TXLNB: variants seen among roughly 807,000 people sequenced by gnomAD.
TXLNB encodes taxilin beta.
A neutral mutation model predicts 57.4 loss-of-function variants in TXLNB; 37 were observed. That is an observed-to-expected ratio of 0.64 (90% CI 0.50 to 0.85). The LOEUF (loss-of-function observed/expected upper bound fraction) is 0.85, where lower values mean the gene tolerates loss of function less well. Ranked by LOEUF, TXLNB falls within the 40% of genes least tolerant of loss-of-function variation. TXLNB has a pLI of 0.00. For synonymous variants in TXLNB, 302 were observed against 309.6 expected, an observed-to-expected ratio of 0.98 and a Z score of 0.26; for missense variants, 848 against 825.6, an observed-to-expected ratio of 1.03 and a Z score of -0.33.
intron 8 of TXLNB, among the ~76,000 whole-genome samples, chr6:139,245,726 T>C (rs1049165898): frequency 4.6e-5 from 7 of 152,352 alleles, no homozygotes; most frequent in African/African-American, 1.7e-4. Context: ...TGTTTTTCAC[T>C]CTTTTGCCCA....
At chr6:139,280,887 G>A (rs1777030822) in intron 2 of TXLNB, among the ~76,000 whole-genome samples, 1 of 152,072 alleles carries the variant, frequency 6.6e-6, no homozygotes, top group African/African-American at 2.4e-5. Flanking sequence ...AAATAAGCAT[G>A]AGATAAATAA....
the TXLNB span, among the ~76,000 whole-genome samples, chr6:139,173,146 C>A: frequency 6.6e-6 from 1 of 152,128 alleles, no homozygotes; most frequent in South Asian, 2.1e-4. Flanking sequence ...GCATGTGAGA[C>A]CCTTTTATTT....
chr6:139,296,302 G>A (rs1383405953), upstream of TXLNB, among the ~76,000 whole-genome samples: 2 of 152,162 alleles, frequency 1.3e-5, no homozygotes, highest in Non-Finnish European at 2.9e-5. Context: ...TTGGCTAGAT[G>A]TAACCTTTTA....
At chr6:139,313,811 C>A in the TXLNB span, among the ~76,000 whole-genome samples, 303 of 152,150 alleles carry the variant, frequency 2.0e-3, 8 homozygotes, top group East Asian at 0.056. Context: ...TCTAAGCCCC[C>A]CAACCGACTG....
At chr6:139,264,559 T>C (rs1476509482) in intron 4 of TXLNB, among the ~76,000 whole-genome samples, 2 of 152,002 alleles carry the variant, frequency 1.3e-5, no homozygotes, top group Middle Eastern at 3.2e-3. Context: ...TTTTGTTTTG[T>C]TTTGTTTTGT....
chr6:139,170,388 C>G, the TXLNB span: 1 of 152,130 alleles, frequency 6.6e-6, no homozygotes, highest in African/African-American at 2.4e-5. Context: ...GCTTAAAGTT[C>G]TAGTATCATA....
chr6:139,243,236 C>T lies in TXLNB; in HGVS notation c.1345G>A (p.Glu449Lys). 1 of 1,614,086 alleles carries T rather than the reference C, an allele frequency of 6.2e-7. No individual in the cohort carries two copies. Among genetic ancestry groups the T allele is most frequent in the African/African-American group, 1.3e-5 (1 of 75,018 alleles). The change falls in exon 10 of 10, where the codon GAA (glutamate) becomes AAA (lysine). Residue 449 changes from glutamate (E) to lysine (K), a missense_variant. Physicochemically the swap from Glu to Lys is moderately conservative, Grantham distance 56. Coordinates refer to ENST00000358430, the MANE Select transcript of TXLNB (RefSeq NM_153235.4). ...RLENLCRALQ[E>K]ERNELHKKIR... is the part of the protein sequence containing the mutation. ...TTTTTGTGGAGTTCGTTTCTCTCTT[C>T]TTGTAAAGCACGGCAGAGGTTCTCT...
chr6:139,316,501 T>G, the TXLNB span, among the ~76,000 whole-genome samples: 1 of 152,258 alleles, frequency 6.6e-6, no homozygotes, highest in South Asian at 2.1e-4. Context: ...ATTTCTTAGC[T>G]ATAAATTCCC....
the TXLNB span, chr6:139,174,488 G>C: frequency 6.2e-7 from 1 of 1,613,628 alleles, no homozygotes; most frequent in Non-Finnish European, 8.5e-7. Flanking sequence ...GCTGGCACCA[G>C]CTGGGCACTA....
the TXLNB span, among the ~76,000 whole-genome samples, chr6:139,232,944 T>G: frequency 6.6e-6 from 1 of 152,230 alleles, no homozygotes; most frequent in Non-Finnish European, 1.5e-5. Context: ...ATGTGTGTGT[T>G]GAAATCTTTA....
chr6:139,174,599 A>C, the TXLNB span: 8 of 1,573,654 alleles, frequency 5.1e-6, no homozygotes, highest in Non-Finnish European at 6.9e-6. Context: ...CCCCAAGTGA[A>C]TGTAGGGAAG....
At chr6:139,187,149 C>T in the TXLNB span, among the ~76,000 whole-genome samples, 1 of 152,158 alleles carries the variant, frequency 6.6e-6, no homozygotes, top group Admixed American at 6.5e-5. Flanking sequence ...AAAAAATACC[C>T]TCTTCTCCCC....
the TXLNB span, among the ~76,000 whole-genome samples, chr6:139,164,083 C>CTCTCTG: frequency 1.4e-5 from 2 of 143,492 alleles, no homozygotes; most frequent in African/African-American, 5.8e-5. Context: ...CACACACACT[C>CTCTCTG]TCTCTCTCTC....
chr6:139,307,980 G>A, the TXLNB span, among the ~76,000 whole-genome samples: 1 of 59,802 alleles, frequency 1.7e-5, no homozygotes, highest in Non-Finnish European at 4.0e-5. Flanking sequence ...ATTGACACCT[G>A]GGTTCTTCTG....
At chr6:139,248,051 G>A (rs1187550912) in intron 7 of TXLNB, 142 bp from the exon 8 acceptor site, 3 of 473,754 alleles carry the variant, frequency 6.3e-6, no homozygotes, top group Non-Finnish European at 1.1e-5. Flanking sequence ...CTAGGCCAGT[G>A]AGCATGATTG....
At chr6:139,292,504 A>G (rs2114655479), upstream of TXLNB, among the ~76,000 whole-genome samples, 1 of 152,316 alleles carries the variant, frequency 6.6e-6, no homozygotes, top group South Asian at 2.1e-4. The surrounding 1 kb of genome is among the most constrained non-coding windows in gnomAD (Gnocchi z 4.0). Flanking sequence ...GCATAAGAAC[A>G]GGGAGGTGGT....
intron 6 of TXLNB, among the ~76,000 whole-genome samples, chr6:139,256,696 T>A (rs907469206): frequency 3.3e-5 from 5 of 152,208 alleles, no homozygotes; most frequent in Non-Finnish European, 5.9e-5. Context: ...ATAGCACACT[T>A]GATACAATAA....
chr6:139,167,618 T>G, the TXLNB span, among the ~76,000 whole-genome samples: 1 of 152,344 alleles, frequency 6.6e-6, no homozygotes, highest in African/African-American at 2.4e-5. Context: ...GTGGAGTTGT[T>G]GCATATTTGT....
downstream of TXLNB, among the ~76,000 whole-genome samples, chr6:139,235,834 C>T (rs965975449): frequency 2.6e-5 from 4 of 152,166 alleles, no homozygotes; most frequent in Admixed American, 2.6e-4. Flanking sequence ...CTAGAAGACA[C>T]AGCTGCTGGA....
Sources: allele counts gnomAD v4.1 joint callset (sites outside exome capture counted in the v4.1 genomes callset), GRCh38; gene constraint gnomAD v4.1.1; non-coding constraint Gnocchi (gnomAD v3.1); transcripts MANE v1.5; gene names NCBI Gene and HGNC (gene_info 2026-07-23, HGNC 2026-07-21).